GRP: variants seen among roughly 807,000 people sequenced by gnomAD.
The protein encoded by GRP is gastrin-releasing peptide.
Under a neutral mutation model 12.7 loss-of-function variants are expected in GRP, and 11 were observed. The observed-to-expected ratio is 0.87, with a 90% CI of 0.55 to 1.44. The LOEUF is 1.44. GRP is among the 40% of genes most tolerant of loss of function. The pLI is 0.00. For missense variants in GRP, 212 were observed against 185.4 expected (o/e 1.14, Z -0.83); for synonymous variants, 84 against 77.7 (o/e 1.08, Z -0.43).
chr18:59,219,640 AGG>A (rs1309002885), upstream of GRP, among the ~76,000 whole-genome samples: 1 of 151,916 alleles, frequency 6.6e-6, no homozygotes, highest in East Asian at 1.9e-4. Flanking sequence ...CAAGGAGGCA[AGG>A]TTCCAAAATC....
intron 2 of GRP, among the ~76,000 whole-genome samples, chr18:59,227,038 T>A (rs2069947776): frequency 7.1e-6 from 1 of 141,104 alleles, no homozygotes; most frequent in African/African-American, 2.8e-5. Context: ...TCTTTCTTTC[T>A]TTCTTTCTTT....
At chr18:59,220,151 A>C, upstream of GRP, 1 of 360,372 alleles carries the variant, frequency 2.8e-6, no homozygotes, top group South Asian at 3.1e-5. Flanking sequence ...GCCCTAGTGG[A>C]GGCCGCAGCA....
At position 59,225,751 on chromosome 18, in the gene GRP, TGC is replaced by T; in HGVS notation, c.382+18_382+19del. 9.9e-6 allele frequency: 16 copies of T among 1,611,756 alleles called. No individual in the cohort carries two copies. In the South Asian group the frequency reaches 1.8e-4, roughly 18 times the overall value. On this transcript the variant is annotated intron_variant, in intron 2 of 2. Transcript: ENST00000256857. ...AAGGCAAAGGTAAAAGAAACATACA[TGC>T]AAGATGGGGTGGGAGGTATCTGGGG...
chr18:59,219,696 CT>C, upstream of GRP, among the ~76,000 whole-genome samples: 1 of 152,218 alleles, frequency 6.6e-6, no homozygotes, highest in African/African-American at 2.4e-5. Context: ...AGAGAAAGGT[CT>C]GGAGAATCAG....
chr18:59,227,024 T>TCTTTCTTTCTTTCTTTCTTCCTTCCTTC (rs1555663431), intron 2 of GRP, among the ~76,000 whole-genome samples: 1 of 145,186 alleles, frequency 6.9e-6, no homozygotes, highest in East Asian at 2.0e-4. Flanking sequence ...TTTCTTTCTT[T>TCTTTCTTTCTTTCTTTCTTCCTTCCTTC]CTTTCTTTCT....
chr18:59,229,359 T>C (rs1245073930), intron 2 of GRP, among the ~76,000 whole-genome samples: 1 of 152,068 alleles, frequency 6.6e-6, no homozygotes. Flanking sequence ...GGGGGAGTTA[T>C]GTAGATTTTT....
chr18:59,224,971 C>T lies in GRP; in HGVS notation c.140-521C>T, dbSNP rs185345838. Reference sequence around the variant, plus strand: ...AATTCCTTTGGTATTTTTTTTATTACGATAAAAGGAAAGAAATATTTTTAA... The same window carrying T: ...AATTCCTTTGGTATTTTTTTTATTATGATAAAAGGAAAGAAATATTTTTAA... On this transcript the variant is annotated intron_variant, in intron 1 of 2. Transcript: ENST00000256857. Among the ~76,000 whole-genome samples, 26 of 151,834 alleles carry T rather than the reference C, an allele frequency of 1.7e-4. No individual in the cohort carries two copies. The East Asian group carries it at 3.5e-3, about 20-fold the overall frequency.
chr18:59,228,978 G>C (rs1017217905), intron 2 of GRP, among the ~76,000 whole-genome samples: 2 of 152,198 alleles, frequency 1.3e-5, no homozygotes, highest in Non-Finnish European at 2.9e-5. Flanking sequence ...TACAAAGGCT[G>C]TTATGGAAAG....
In GRP at chr18:59,220,367, G is replaced by A; in HGVS notation, c.102G>A (p.Leu34=). ...TGCCTGCGGGCGGAGGGACCGTGCTGACCAAGATGTACCCGCGCGGCAACC... is the reference window on the plus strand; with the variant it reads ...TGCCTGCGGGCGGAGGGACCGTGCTAACCAAGATGTACCCGCGCGGCAACC... The part of the protein sequence containing the change: ...VPLPAGGGTV[L]TKMYPRGNHW... Residue 34 remains leucine (L), a synonymous_variant, in exon 1 of 3, where the codon CTG becomes CTA. Transcript: ENST00000256857. 5 of 1,444,838 alleles carry A rather than the reference G, an allele frequency of 3.5e-6. No homozygotes were observed. The highest frequency in any genetic ancestry group is 4.5e-6 in the Non-Finnish European group (5 of 1,100,530). The allele number at this position is 1,444,838 out of a possible 1,614,324, so 89.5% of individuals were successfully genotyped here. A position where few individuals can be genotyped will look rare whatever the true frequency, so the allele number is the denominator to read the frequency against.
At chr18:59,219,760 A>G (rs1603382684), upstream of GRP, among the ~76,000 whole-genome samples, 1 of 152,134 alleles carries the variant, frequency 6.6e-6, no homozygotes, top group Non-Finnish European at 1.5e-5. Context: ...ATCCATCTTT[A>G]GAGCTCACCC....
chr18:59,229,863 A>G (rs923370479), intron 2 of GRP, among the ~76,000 whole-genome samples: 1 of 152,216 alleles, frequency 6.6e-6, no homozygotes, highest in African/African-American at 2.4e-5. Context: ...CCTCTTCCCA[A>G]GTTTCCACAC....
intron 1 of GRP, among the ~76,000 whole-genome samples, chr18:59,221,156 C>T (rs2069826195): frequency 6.6e-6 from 1 of 152,274 alleles, no homozygotes; most frequent in African/African-American, 2.4e-5. Context: ...CTTTCTCCGC[C>T]CTTCTTGACC....
chr18:59,219,955 G>T (rs1055450583), upstream of GRP, among the ~76,000 whole-genome samples: 16 of 152,166 alleles, frequency 1.1e-4, no homozygotes, highest in Non-Finnish European at 1.2e-4. Flanking sequence ...GAAGGCGGAC[G>T]GGGCTACGAG....
At chr18:59,228,455 AT>A (rs1475013210) in intron 2 of GRP, among the ~76,000 whole-genome samples, 3 of 152,192 alleles carry the variant, frequency 2.0e-5, no homozygotes, top group Non-Finnish European at 2.9e-5. Flanking sequence ...CTCCTCTCTC[AT>A]TTTAGTAATA....
intron 1 of GRP, 98 bp downstream of exon 1, chr18:59,220,502 A>G: frequency 9.3e-7 from 1 of 1,079,330 alleles, no homozygotes; most frequent in Non-Finnish European, 1.2e-6. Context: ...TCCCTGGCCC[A>G]GCTTTGGGAG....
rs2069811301 is a variant in GRP, at chr18:59,220,389, A to C, written c.124A>C (p.Asn42His). Reference sequence around the variant, plus strand: ...GCTGACCAAGATGTACCCGCGCGGCAACCACTGGGCGGTGGGTGAGTGTCC... The same window carrying C: ...GCTGACCAAGATGTACCCGCGCGGCCACCACTGGGCGGTGGGTGAGTGTCC... ...TVLTKMYPRG[N>H]HWAVGHLMGK... Residue 42 changes from asparagine to histidine, a missense_variant, in exon 1 of 3, where the codon AAC becomes CAC. Transcript: ENST00000256857. The C allele has an allele frequency of 1.4e-6, 2 of 1,406,798 alleles. No individual in the cohort carries two copies. The highest frequency in any genetic ancestry group is 1.5e-5 in the South Asian group (1 of 64,990). 87.1% of individuals were successfully genotyped at this position (1,406,798 alleles called of 1,614,324 possible). A position where few individuals can be genotyped will look rare whatever the true frequency, so the allele number is the denominator to read the frequency against.
chr18:59,219,505 A>G (rs2069792297), upstream of GRP, among the ~76,000 whole-genome samples: 2 of 33,504 alleles, frequency 6.0e-5, no homozygotes, highest in Non-Finnish European at 5.4e-5. Flanking sequence ...AGTGGAGAGG[A>G]GGGGAAGGGA....
At chr18:59,224,508 C>A (rs1251271551) in intron 1 of GRP, among the ~76,000 whole-genome samples, 3 of 152,122 alleles carry the variant, frequency 2.0e-5, no homozygotes, top group African/African-American at 7.2e-5. Flanking sequence ...ATCAAAAGCA[C>A]CATAGTTTTG....
chr18:59,224,950 C>T (rs924525675), intron 1 of GRP, among the ~76,000 whole-genome samples: 4 of 152,074 alleles, frequency 2.6e-5, no homozygotes, highest in African/African-American at 9.7e-5. Flanking sequence ...ATGAAAAATT[C>T]CTTTGGTATT....
Sources: allele counts gnomAD v4.1 joint callset (sites outside exome capture counted in the v4.1 genomes callset), GRCh38; gene constraint gnomAD v4.1.1; transcripts MANE v1.5; gene names NCBI Gene and HGNC (gene_info 2026-07-23, HGNC 2026-07-21).